The following PARP12 variants were observed in gnomAD, a reference collection of about 807,000 sequenced individuals.
PARP12 encodes the protein poly(ADP-ribose) polymerase family member 12.
Under a neutral mutation model 72.4 loss-of-function variants are expected in PARP12, and 59 were observed. That is an observed-to-expected ratio of 0.81 (90% CI 0.66 to 1.01). PARP12 has a LOEUF of 1.01. Ranked by LOEUF, PARP12 falls within the 50% of genes least tolerant of loss-of-function variation. PARP12 has a pLI of 0.00. For synonymous variants in PARP12, 403 were observed against 371.4 expected, an observed-to-expected ratio of 1.09 and a Z score of -0.98; for missense variants, 851 against 914.0, an observed-to-expected ratio of 0.93 and a Z score of 0.89.
intron 8 of PARP12, among the ~76,000 whole-genome samples, chr7:140,031,835 G>A (rs1050124211): frequency 9.2e-5 from 14 of 152,148 alleles, no homozygotes; most frequent in African/African-American, 3.4e-4. Flanking sequence ...TCCAGAAATA[G>A]GAGGGTCATA....
intron 1 of PARP12, among the ~76,000 whole-genome samples, chr7:140,059,102 A>AAAAAAAAGAAAG (rs1343835558): frequency 6.6e-6 from 1 of 152,068 alleles, no homozygotes; most frequent in Non-Finnish European, 1.5e-5. Context: ...TCTCAAAAAA[A>AAAAAAAAGAAAG]AAAAAAAGAA....
At chr7:140,055,393 G>T (rs1028024269) in intron 3 of PARP12, among the ~76,000 whole-genome samples, 2 of 152,012 alleles carry the variant, frequency 1.3e-5, no homozygotes, top group African/African-American at 4.8e-5. Flanking sequence ...ATATAAAAAG[G>T]GCACATAAAT....
chr7:140,062,836 G>C lies in PARP12; in HGVS notation c.12C>G (p.Ala4=). The C allele has an allele frequency of 5.1e-6, 7 of 1,384,540 alleles. No individual in the cohort carries two copies. The highest frequency in any genetic ancestry group is 6.6e-6 in the Non-Finnish European group (7 of 1,066,910). 85.8% of individuals were successfully genotyped at this position (1,384,540 alleles called of 1,614,324 possible). Residue 4 remains alanine (A), a synonymous_variant, in exon 1 of 12, where the codon GCC becomes GCG. Transcript: ENST00000263549. MAQ[A]GVVGEVTQVL... Reference sequence around the variant, plus strand: ...CCTGGGTGACCTCACCGACGACGCCGGCCTGGGCCATGGCCGCTGGGCCTG... The same window carrying C: ...CCTGGGTGACCTCACCGACGACGCCCGCCTGGGCCATGGCCGCTGGGCCTG...
chr7:140,047,744 A>G (rs973723858), intron 4 of PARP12, among the ~76,000 whole-genome samples: 3 of 151,868 alleles, frequency 2.0e-5, no homozygotes, highest in Non-Finnish European at 4.4e-5. Flanking sequence ...CAGCCTCCTC[A>G]GTAGCTGGGA....
chr7:140,025,657 TAAAATTTAC>T (rs1815710847), intron 11 of PARP12: 2 of 386,028 alleles, frequency 5.2e-6, no homozygotes, highest in South Asian at 3.7e-5. Context: ...TGAACGCAGG[TAAAATTTAC>T]CCAAAGAGGT....
intron 5 of PARP12, among the ~76,000 whole-genome samples, chr7:140,042,766 C>T (rs1816538896): frequency 6.6e-6 from 1 of 152,190 alleles, no homozygotes; most frequent in South Asian, 2.1e-4. Flanking sequence ...AACTCATAAA[C>T]CACTCAAGCC....
chr7:140,057,720 T>C lies in PARP12; in HGVS notation c.462+179A>G, dbSNP rs185546424. The C allele has an allele frequency of 3.1e-3, 2,551 of 813,562 alleles. 14 individuals carry two copies. Among genetic ancestry groups the C allele is most frequent in the South Asian group, 6.4e-3 (320 of 50,292 alleles). The allele number at this position is 813,562 out of a possible 1,614,324, so 50.4% of individuals were successfully genotyped here. On this transcript the variant is annotated intron_variant, in intron 2 of 11. Transcript: ENST00000263549. Reference sequence around the variant, plus strand: ...TGTGATGTTTGTGGAACTGGGTTGTTGGCAAAGCTGGCCCTTGAACTTCAC... The same window carrying C: ...TGTGATGTTTGTGGAACTGGGTTGTCGGCAAAGCTGGCCCTTGAACTTCAC...
At chr7:140,052,732 T>G (rs1023534637) in intron 4 of PARP12, among the ~76,000 whole-genome samples, 2 of 145,706 alleles carry the variant, frequency 1.4e-5, no homozygotes, top group Non-Finnish European at 3.0e-5. Flanking sequence ...AAGACCCCTT[T>G]TGTGTGTGTG....
intron 8 of PARP12, 87 bp downstream of exon 8, chr7:140,034,148 G>A: frequency 1.3e-6 from 2 of 1,514,834 alleles, no homozygotes; most frequent in Admixed American, 2.1e-5. Context: ...GTGCCCGGGT[G>A]CTGTCTGAGG....
At chr7:140,038,387 T>A in intron 6 of PARP12, 1 of 841,940 alleles carries the variant, frequency 1.2e-6, no homozygotes. Context: ...GGAAATCTCG[T>A]AGCTTCAGCT....
At position 140,029,936 on chromosome 7, in the gene PARP12, C is replaced by G. The variant is rs562751827; in HGVS notation, c.1422-1248G>C. ...AGTGAGAACTTGAATATGATCAGAA[C>G]CTAAGTGAAGCTCTAGGAGAGGAGA... On this transcript the variant is annotated intron_variant, in intron 8 of 11. Transcript: ENST00000263549. Among the ~76,000 whole-genome samples the G allele has an allele frequency of 5.3e-5, 8 of 152,242 alleles. 1 individual carries two copies. The highest frequency in any genetic ancestry group is 1.7e-4 in the African/African-American group (7 of 41,530).
chr7:140,034,068 C>T (rs1816047024), intron 8 of PARP12, 167 bp downstream of exon 8: 9 of 1,301,600 alleles, frequency 6.9e-6, no homozygotes, highest in Non-Finnish European at 8.9e-6. Context: ...AGGGTAATTC[C>T]CACTCTGGTC....
chr7:140,053,330 G>C (rs1010318291), intron 4 of PARP12, among the ~76,000 whole-genome samples: 2 of 152,162 alleles, frequency 1.3e-5, no homozygotes, highest in Non-Finnish European at 2.9e-5. Context: ...AGAGAAGCCA[G>C]GCACAAGATA....
intron 1 of PARP12, 141 bp from the exon 2 acceptor site, chr7:140,058,175 G>C: frequency 1.1e-6 from 1 of 934,514 alleles, no homozygotes; most frequent in Non-Finnish European, 1.6e-6. Context: ...TTAAAAAGAG[G>C]TCCATAGGGT....
rs952847821 is a variant in PARP12 at position 140,026,440 on chromosome 7, T to A, written c.1629-92A>T. On this transcript the variant is annotated intron_variant, in intron 10 of 11. Coordinates refer to ENST00000263549, the MANE Select transcript of PARP12 (RefSeq NM_022750.4). ...GCAAAACAACACATTTTTCCAAAAT[T>A]CCAAAAGTGTCCTGGGACCAAGAGA... 3 of 1,514,696 alleles carry A rather than the reference T, an allele frequency of 2.0e-6. No individual in the cohort carries two copies. The Admixed American group carries it at 5.8e-5, about 29-fold the overall frequency. 93.8% of individuals were successfully genotyped at this position (1,514,696 alleles called of 1,614,324 possible).
Position 140,024,466 on chromosome 7 carries a change from G to T in PARP12, c.*94C>A. 8.1e-7 allele frequency: 1 copy of T among 1,240,232 alleles called. No individual in the cohort carries two copies. Among genetic ancestry groups the T allele is most frequent in the South Asian group, 1.3e-5 (1 of 78,154 alleles). The allele number at this position is 1,240,232 out of a possible 1,614,324, so 76.8% of individuals were successfully genotyped here. ...TTGAGAGGTCAATGTTAAGAGAACA[G>T]TTCATTAAAAGTTTCTGTTTAAAAA... On this transcript the variant is annotated 3_prime_UTR_variant, in exon 12 of 12. Coordinates refer to ENST00000263549, the MANE Select transcript of PARP12 (RefSeq NM_022750.4).
chr7:140,025,276 C>T (rs965677291), intron 11 of PARP12: 8 of 297,066 alleles, frequency 2.7e-5, no homozygotes, highest in Non-Finnish European at 4.6e-5. Context: ...ATCCCATATA[C>T]GGAAGCAGTC....
In PARP12 at chr7:140,024,149, G is replaced by A. The variant is rs1272285315; in HGVS notation, c.*411C>T. ...GCCCGTGGGCTGTCATCCACCGGTG[G>A]CTACTGTGTCATTCTGGAAAAACTA... On this transcript the variant is annotated 3_prime_UTR_variant, in exon 12 of 12. Transcript: ENST00000263549. The A allele has an allele frequency of 1.0e-5, 3 of 292,554 alleles. No homozygotes were observed. Among genetic ancestry groups the A allele is most frequent in the African/African-American group, 6.6e-5 (3 of 45,174 alleles). The allele number at this position is 292,554 out of a possible 1,614,324, so 18.1% of individuals were successfully genotyped here. A position where few individuals can be genotyped will look rare whatever the true frequency, so the allele number is the denominator to read the frequency against.
At chr7:140,035,900 G>A (rs117455345) in intron 7 of PARP12, among the ~76,000 whole-genome samples, 19 of 126,896 alleles carry the variant, frequency 1.5e-4, no homozygotes, top group South Asian at 1.2e-3. Context: ...AGAGGAGGAG[G>A]ACGAGGAGGA....
Sources: gnomAD v4.1 joint callset for allele counts (sites outside exome capture counted in the v4.1 genomes callset) on GRCh38, gnomAD v4.1.1 for gene constraint, MANE v1.5 for transcripts, NCBI Gene and HGNC (gene_info 2026-07-23, HGNC 2026-07-21) for gene names.